SLCO3A1: variants seen among roughly 807,000 people sequenced by gnomAD.
SLCO3A1 encodes the protein solute carrier organic anion transporter family member 3A1.
Under a neutral mutation model 63.1 loss-of-function variants are expected in SLCO3A1, and 27 were observed. That is an observed-to-expected ratio of 0.43 (90% confidence interval 0.32 to 0.59). The LOEUF (loss-of-function observed/expected upper bound fraction) is 0.59. Among genes scored for constraint, SLCO3A1 ranks in the 20% least tolerant of loss-of-function variants. The pLI is 0.09. For synonymous variants in SLCO3A1, 473 were observed against 409.9 expected, an observed-to-expected ratio of 1.15 and a Z score of -1.86; for missense variants, 773 against 945.8, an observed-to-expected ratio of 0.82 and a Z score of 2.40.
intron 2 of SLCO3A1, among the ~76,000 whole-genome samples, chr15:92,013,254 C>T (rs1260366195): frequency 6.6e-6 from 1 of 152,212 alleles, no homozygotes; most frequent in Non-Finnish European, 1.5e-5. Context: ...TCAGTTCTCT[C>T]GGCAGCATGG....
At position 91,863,544 on chromosome 15, in the gene SLCO3A1, T is replaced by C. The variant is rs751019719; in HGVS notation, c.180+9456T>C. ...TGTGGGATGCTTTGCATAAGCAGCA[T>C]GTATTCCAGTGTGGCACATCACACC... On this transcript the variant is annotated intron_variant, in intron 1 of 9. Transcript: ENST00000318445. The surrounding 1 kb of genome is among the most constrained non-coding windows in gnomAD (Gnocchi z 4.3). Among the ~76,000 whole-genome samples the C allele has an allele frequency of 7.9e-5, 12 of 152,246 alleles. No homozygotes were observed. Among genetic ancestry groups the C allele is most frequent in the Non-Finnish European group, 1.5e-4 (10 of 68,042 alleles).
chr15:91,945,068 G>A (rs1016175821), intron 2 of SLCO3A1, among the ~76,000 whole-genome samples: 3 of 152,124 alleles, frequency 2.0e-5, no homozygotes, highest in Non-Finnish European at 4.4e-5. Context: ...ATTTTTGGTT[G>A]GGCATGGTGG....
intron 2 of SLCO3A1, among the ~76,000 whole-genome samples, chr15:92,035,143 C>T (rs372630389): frequency 2.6e-5 from 4 of 151,734 alleles, no homozygotes; most frequent in East Asian, 1.9e-4. Context: ...GCTCTTTCTC[C>T]CATACCGGCC....
chr15:92,119,585 G>A (rs1023276633), intron 4 of SLCO3A1, among the ~76,000 whole-genome samples: 14 of 152,166 alleles, frequency 9.2e-5, no homozygotes, highest in Non-Finnish European at 1.8e-4. Flanking sequence ...GACCCCCAAG[G>A]ACAAAGACCT....
chr15:92,165,211 T>G lies in SLCO3A1; in HGVS notation c.*2076T>G. 1.0e-6 allele frequency: 1 copy of G among 985,452 alleles called. No homozygotes were observed. Among genetic ancestry groups the G allele is most frequent in the Non-Finnish European group, 1.2e-6 (1 of 829,946 alleles). The allele number at this position is 985,452 out of a possible 1,614,324, so 61.0% of individuals were successfully genotyped here. On this transcript the variant is annotated 3_prime_UTR_variant, in exon 10 of 10. Coordinates refer to ENST00000318445, the MANE Select transcript of SLCO3A1 (RefSeq NM_013272.4). ...TGATCAGCTACCTGGGGCAGGATGC[T>G]TCTGAGACAGGCCTTTCAACTGCTT...
At chr15:92,169,128 A>T (rs1377506358), downstream of SLCO3A1, among the ~76,000 whole-genome samples, 1 of 152,198 alleles carries the variant, frequency 6.6e-6, no homozygotes, top group Non-Finnish European at 1.5e-5. Context: ...AGCTTATTTC[A>T]TGTATTAGCT....
intron 2 of SLCO3A1, among the ~76,000 whole-genome samples, chr15:91,925,258 C>A (rs1898972728): frequency 6.6e-6 from 1 of 152,158 alleles, no homozygotes; most frequent in African/African-American, 2.4e-5. Context: ...TTGTCCTTTT[C>A]ACCTACAAGA....
chr15:92,059,889 A>G lies in SLCO3A1; in HGVS notation c.647-34992A>G, dbSNP rs542222241. 3.9e-5 allele frequency among the ~76,000 whole-genome samples: 6 copies of G among 152,296 alleles called. No homozygotes were observed. In the East Asian group the frequency reaches 9.7e-4, roughly 25 times the overall value. On this transcript the variant is annotated intron_variant, in intron 2 of 9. Coordinates refer to ENST00000318445, the MANE Select transcript of SLCO3A1 (RefSeq NM_013272.4). ...TAGGCAATTTTGTCATTGCGGGGAC[A>G]TCACAGGGTGTACTCACACAAACTC...
chr15:91,949,271 C>A (rs1341460613), intron 2 of SLCO3A1, among the ~76,000 whole-genome samples: 1 of 152,126 alleles, frequency 6.6e-6, no homozygotes, highest in Non-Finnish European at 1.5e-5. Context: ...TCCACCATTT[C>A]CTGGCTGCAT....
chr15:91,937,302 C>T (rs777125562), intron 2 of SLCO3A1, among the ~76,000 whole-genome samples: 8 of 152,208 alleles, frequency 5.3e-5, no homozygotes, highest in Non-Finnish European at 7.3e-5. Flanking sequence ...AAAGCACTCT[C>T]TAGGTGCCAG....
At chr15:92,010,462 A>G (rs1334633728) in intron 2 of SLCO3A1, among the ~76,000 whole-genome samples, 1 of 152,162 alleles carries the variant, frequency 6.6e-6, no homozygotes, top group African/African-American at 2.4e-5. Context: ...TTCCTAGGAC[A>G]CTTATTAACA....
intron 7 of SLCO3A1, among the ~76,000 whole-genome samples, chr15:92,143,867 C>G (rs1336522246): frequency 1.3e-5 from 2 of 152,076 alleles, no homozygotes; most frequent in African/African-American, 2.4e-5. Flanking sequence ...TGAGTCAGAG[C>G]TCAGGGGAAC....
At chr15:91,927,741 G>A (rs565944998) in intron 2 of SLCO3A1, among the ~76,000 whole-genome samples, 8 of 152,254 alleles carry the variant, frequency 5.3e-5, no homozygotes, top group Admixed American at 1.3e-4. Context: ...GAACATTCAC[G>A]TTTGCCCACC....
intron 2 of SLCO3A1, among the ~76,000 whole-genome samples, chr15:92,064,796 A>G (rs1287148858): frequency 6.6e-6 from 1 of 152,226 alleles, no homozygotes; most frequent in East Asian, 1.9e-4. Context: ...GTTCTCACTT[A>G]TATGTAGGAG....
chr15:92,102,361 C>T (rs2047615809), intron 3 of SLCO3A1, among the ~76,000 whole-genome samples: 2 of 152,148 alleles, frequency 1.3e-5, no homozygotes, highest in African/African-American at 2.4e-5. Flanking sequence ...TTGAGATTCT[C>T]ATTTATATAC....
chr15:91,963,765 C>T (rs561967509), intron 2 of SLCO3A1, among the ~76,000 whole-genome samples: 25 of 152,158 alleles, frequency 1.6e-4, no homozygotes, highest in Admixed American at 8.5e-4. Flanking sequence ...CACAGACCTT[C>T]GCAGTGAGTA....
chr15:91,963,135 C>T (rs1900513806), intron 2 of SLCO3A1, among the ~76,000 whole-genome samples: 1 of 152,042 alleles, frequency 6.6e-6, no homozygotes, highest in Non-Finnish European at 1.5e-5. Flanking sequence ...CCCAATACAC[C>T]TGTTTAATCC....
Position 91,854,066 on chromosome 15 carries a change from A to C in SLCO3A1, c.158A>C (p.Gln53Pro). The C allele has an allele frequency of 6.6e-7, 1 of 1,521,704 alleles. No homozygotes were observed. The highest frequency in any genetic ancestry group is 8.8e-7 in the Non-Finnish European group (1 of 1,130,244). 94.3% of individuals were successfully genotyped at this position (1,521,704 alleles called of 1,614,324 possible). Reference sequence around the variant, plus strand: ...TCCGAGTGCGCCCTGATGCTGGCGCAGGGCACGGTGGGCGCCTACCTGGTG... The same window carrying C: ...TCCGAGTGCGCCCTGATGCTGGCGCCGGGCACGGTGGGCGCCTACCTGGTG... ...LVSECALMLA[Q>P]GTVGAYLVSV... The change falls in exon 1 of 10, where the codon CAG becomes CCG. Residue 53 changes from glutamine (Q) to proline (P), a missense_variant. This residue lies in a region of SLCO3A1 where 565 missense variants were observed against 749.8 expected (regional missense o/e 0.75). Transcript: ENST00000318445. The surrounding 1 kb of genome is among the most constrained non-coding windows in gnomAD (Gnocchi z 6.4).
rs1424343521 is a variant in SLCO3A1 at position 91,948,214 on chromosome 15, C to T, written c.646+31756C>T. Among the ~76,000 whole-genome samples, 7 of 152,166 alleles carry T rather than the reference C, an allele frequency of 4.6e-5. No homozygotes were observed. The highest frequency in any genetic ancestry group is 1.4e-4 in the African/African-American group (6 of 41,440). ...CATGCGGCTAATGAATGCCGACCTCCGGGAAGCTTTTTCCACTCCTGCTTG... is the reference window on the plus strand; with the variant it reads ...CATGCGGCTAATGAATGCCGACCTCTGGGAAGCTTTTTCCACTCCTGCTTG... On this transcript the variant is annotated intron_variant, in intron 2 of 9. Coordinates refer to ENST00000318445, the MANE Select transcript of SLCO3A1 (RefSeq NM_013272.4). The surrounding 1 kb of genome is among the most constrained non-coding windows in gnomAD (Gnocchi z 4.8).
Sources: allele counts gnomAD v4.1 joint callset (sites outside exome capture counted in the v4.1 genomes callset), GRCh38; gene constraint gnomAD v4.1.1; regional missense constraint gnomAD v4.1.1; non-coding constraint Gnocchi (gnomAD v3.1); transcripts MANE v1.5; gene names NCBI Gene and HGNC (gene_info 2026-07-23, HGNC 2026-07-21).